The following ATR variants were observed in gnomAD, a reference collection of about 807,000 sequenced individuals.
ATR encodes the protein serine/threonine-protein kinase ATR.
ATR carries 142 observed loss-of-function variants against 305.3 expected under a neutral mutation model. The observed-to-expected ratio is 0.47, with a 90% CI of 0.41 to 0.53. The LOEUF is 0.53. Among genes scored for constraint, ATR ranks in the 20% least tolerant of loss-of-function variants. The pLI, the probability that ATR is intolerant of heterozygous loss-of-function variation, is 0.00. For synonymous variants in ATR, 1,050 were observed against 1,068.1 expected, an observed-to-expected ratio of 0.98 and a Z score of 0.33; for missense variants, 2,135 against 3,133.1, an observed-to-expected ratio of 0.68 and a Z score of 7.60.
intron 45 of ATR, among the ~76,000 whole-genome samples, chr3:142,454,297 G>T (rs2070854693): frequency 6.6e-6 from 1 of 152,186 alleles, no homozygotes; most frequent in African/African-American, 2.4e-5. Flanking sequence ...ACTTCCTCCA[G>T]AAATTATTTC....
At chr3:142,502,390 A>G (rs2032018259) in intron 30 of ATR, among the ~76,000 whole-genome samples, 1 of 152,140 alleles carries the variant, frequency 6.6e-6, no homozygotes, top group Non-Finnish European at 1.5e-5. Context: ...CAGCTATAAA[A>G]AAGAATAAAA....
At position 142,505,310 on chromosome 3, in the gene ATR, T is replaced by C. The variant is rs752210404; in HGVS notation, c.5032-7A>G. On this transcript the variant is annotated splice_region_variant and splice_polypyrimidine_tract_variant and intron_variant, in intron 28 of 46. Transcript: ENST00000350721. ...GCATAGCAGCATACAATTTCTTTGT[T>C]CAATGATTAAAAAACAATCAAAAAC... is the stretch of plus-strand genomic sequence containing the variant. 6.2e-7 allele frequency: 1 copy of C among 1,613,248 alleles called. No individual in the cohort carries two copies.
chr3:142,458,990 C>A lies in ATR; in HGVS notation c.7471G>T (p.Val2491Leu), dbSNP rs556313656. The change falls in exon 44 of 47, where the codon GTA becomes TTA. Residue 2491 changes from valine (V) to leucine (L), a missense_variant. By Grantham distance (32) the Val-to-Leu change is conservative. This residue lies in a region of ATR where 462 missense variants were observed against 887.6 expected (regional missense o/e 0.52). Transcript: ENST00000350721. The part of the protein sequence containing the change: ...ILFDSLTGEC[V>L]HVDFNCLFNK... ...AAAAGACAATTGAAATCTACATGTA[C>A]GCATTCACCAGTCAAAGAATCAAAG... is the stretch of plus-strand genomic sequence containing the variant. 1 of 1,613,734 alleles carries A rather than the reference C, an allele frequency of 6.2e-7. No individual in the cohort carries two copies. The highest frequency in any genetic ancestry group is 8.5e-7 in the Non-Finnish European group (1 of 1,179,704).
chr3:142,482,203 T>G (rs993680845), intron 36 of ATR, among the ~76,000 whole-genome samples: 1 of 152,186 alleles, frequency 6.6e-6, no homozygotes, highest in Non-Finnish European at 1.5e-5. Flanking sequence ...CTAACCCTAA[T>G]TGGATCCTAG....
At chr3:142,484,347 T>C (rs540698002) in intron 36 of ATR, among the ~76,000 whole-genome samples, 8 of 152,140 alleles carry the variant, frequency 5.3e-5, no homozygotes, top group Non-Finnish European at 1.0e-4. Context: ...TAATAAAGAC[T>C]CCATTAAAAA....
intron 36 of ATR, among the ~76,000 whole-genome samples, chr3:142,473,556 T>G (rs1577521289): frequency 6.6e-6 from 1 of 152,004 alleles, no homozygotes; most frequent in African/African-American, 2.4e-5. Flanking sequence ...TCTTTTTTTT[T>G]TTTTTTAGAG....
At chr3:142,466,705 T>G (rs1388592385) in intron 39 of ATR, among the ~76,000 whole-genome samples, 172 bp from the exon 40 acceptor site, 1 of 152,168 alleles carries the variant, frequency 6.6e-6, no homozygotes, top group Non-Finnish European at 1.5e-5. Flanking sequence ...TAATAGTACC[T>G]ACATCATAGG....
At chr3:142,541,130 G>C in intron 17 of ATR, 96 bp from the exon 18 acceptor site, 1 of 1,450,952 alleles carries the variant, frequency 6.9e-7, no homozygotes, top group Non-Finnish European at 9.7e-7. Context: ...CAGTATCAGG[G>C]TGTCATCTAT....
chr3:142,469,646 A>C, intron 37 of ATR, 77 bp from the exon 38 acceptor site: 1 of 1,315,136 alleles, frequency 7.6e-7, no homozygotes. Context: ...ACAGAAGAAA[A>C]ATTTTGCTTT....
At chr3:142,561,128 T>C in intron 5 of ATR, 115 bp downstream of exon 5, 1 of 1,206,604 alleles carries the variant, frequency 8.3e-7, no homozygotes. Context: ...CTTGGCTACA[T>C]TTAGAAAGAT....
intron 7 of ATR, 84 bp from the exon 8 acceptor site, chr3:142,558,860 C>T (rs1448340829): frequency 1.5e-6 from 2 of 1,341,772 alleles, no homozygotes; most frequent in East Asian, 5.0e-5. Context: ...ATTTGAAATA[C>T]TATCATAATG....
In ATR at chr3:142,538,597, C is replaced by G. The variant is rs2108432842; in HGVS notation, c.3610G>C (p.Asp1204His). 6.2e-7 allele frequency: 1 copy of G among 1,613,438 alleles called. No individual in the cohort carries two copies. The highest frequency in any genetic ancestry group is 8.5e-7 in the Non-Finnish European group (1 of 1,179,600). ...RAWDCFVRCL[D>H]HACLGSLLSH... ...AGAAGGGAGCCCAGACAAGCATGAT[C>G]CAGGCAGCGAACAAAGCAGTCCCAA... The change falls in exon 19 of 47, where the codon GAT becomes CAT. Residue 1204 changes from aspartate (D) to histidine (H), a missense_variant. Around this residue, in one of 9 missense-constraint regions of ATR, gnomAD observed 530 missense variants for 766.8 expected, o/e 0.69. Coordinates refer to ENST00000350721, the MANE Select transcript of ATR (RefSeq NM_001184.4).
At chr3:142,557,694 G>A (rs1239912454) in intron 8 of ATR, among the ~76,000 whole-genome samples, 1 of 152,168 alleles carries the variant, frequency 6.6e-6, no homozygotes, top group Non-Finnish European at 1.5e-5. Flanking sequence ...GTGCAGGGGT[G>A]CAATCTTGGC....
At chr3:142,553,420 A>G in intron 12 of ATR, 22 bp from the exon 13 acceptor site, 3 of 1,598,972 alleles carry the variant, frequency 1.9e-6, no homozygotes, top group Non-Finnish European at 2.6e-6. Flanking sequence ...AACAACATAC[A>G]TATGAATACA....
intron 3 of ATR, among the ~76,000 whole-genome samples, chr3:142,564,570 A>G (rs957216549): frequency 6.6e-6 from 1 of 152,200 alleles, no homozygotes; most frequent in Non-Finnish European, 1.5e-5. Flanking sequence ...CACAAGAATA[A>G]ATCAGTCATA....
chr3:142,485,655 A>C (rs900798686), intron 35 of ATR, among the ~76,000 whole-genome samples: 1 of 152,194 alleles, frequency 6.6e-6, no homozygotes, highest in Non-Finnish European at 1.5e-5. Flanking sequence ...TATATCATGA[A>C]AGGCATTTTT....
chr3:142,518,192 A>C (rs2032989636), intron 24 of ATR, among the ~76,000 whole-genome samples: 1 of 152,202 alleles, frequency 6.6e-6, no homozygotes, highest in African/African-American at 2.4e-5. Flanking sequence ...ATGAAAATCC[A>C]AATTTTAACT....
At chr3:142,565,733 TAAAAAAAA>T (rs55690216) in intron 3 of ATR, among the ~76,000 whole-genome samples, 4 of 79,332 alleles carry the variant, frequency 5.0e-5, no homozygotes, top group East Asian at 3.8e-4. Flanking sequence ...CTGTCTTATT[TAAAAAAAA>T]AAAAAAAAAA....
intron 21 of ATR, among the ~76,000 whole-genome samples, chr3:142,525,738 T>C (rs930666503): frequency 2.0e-5 from 3 of 152,118 alleles, no homozygotes; most frequent in Admixed American, 1.3e-4. Flanking sequence ...TGATAACTGG[T>C]TATTTGAGAG....
Sources: gnomAD v4.1 joint callset for allele counts (sites outside exome capture counted in the v4.1 genomes callset) on GRCh38, gnomAD v4.1.1 for gene constraint, gnomAD v4.1.1 regional missense constraint, MANE v1.5 for transcripts, NCBI Gene and HGNC (gene_info 2026-07-23, HGNC 2026-07-21) for gene names.